CDYL2: variants seen among roughly 807,000 people sequenced by gnomAD.
The protein encoded by CDYL2 is chromodomain Y like 2, also known as chromodomain Y-like protein 2.
In CDYL2, 23 loss-of-function variants were observed where a neutral mutation model predicts 49.4. That is an observed-to-expected ratio of 0.47 (90% CI 0.34 to 0.66). The LOEUF is 0.66. Ranked by LOEUF, CDYL2 falls within the 30% of genes least tolerant of loss-of-function variation. The pLI, the probability that CDYL2 is intolerant of heterozygous loss-of-function variation, is 0.01. For synonymous variants in CDYL2, 360 were observed against 268.8 expected (o/e 1.34, Z -3.32); for missense variants, 678 against 656.4 (o/e 1.03, Z -0.36).
intron 1 of CDYL2, among the ~76,000 whole-genome samples, chr16:80,788,867 C>A (rs576711516): frequency 6.6e-6 from 1 of 152,204 alleles, no homozygotes; most frequent in South Asian, 2.1e-4. Context: ...GACTAATACC[C>A]AGAATCTACA....
intron 2 of CDYL2, among the ~76,000 whole-genome samples, chr16:80,644,010 G>C (rs1251329940): frequency 6.6e-6 from 1 of 152,190 alleles, no homozygotes; most frequent in Non-Finnish European, 1.5e-5. Context: ...ACATTGTCAG[G>C]CTACAAATTT....
chr16:80,677,701 T>C lies in CDYL2; in HGVS notation c.616+6837A>G, dbSNP rs1411580143. 2.0e-5 allele frequency among the ~76,000 whole-genome samples: 3 copies of C among 151,108 alleles called. No individual in the cohort carries two copies. The East Asian group carries it at 5.9e-4, about 30-fold the overall frequency. On this transcript the variant is annotated intron_variant, in intron 2 of 6. Transcript: ENST00000570137. ...TTGCAGTGAGCCAAGATTGCACCAC[T>C]GCACTCCAGCCTGGGCGACAGAGCG... is the stretch of plus-strand genomic sequence containing the variant.
intron 1 of CDYL2, among the ~76,000 whole-genome samples, chr16:80,753,785 A>G (rs1251886888): frequency 6.6e-6 from 1 of 152,246 alleles, no homozygotes; most frequent in Non-Finnish European, 1.5e-5. Flanking sequence ...CAGATAAACT[A>G]GACTCCATTA....
In CDYL2 at chr16:80,597,958, A is replaced by C. The variant is rs1427098996; in HGVS notation, c.*6430T>G. The C allele has an allele frequency of 1.3e-5, 2 of 152,234 alleles. No individual in the cohort carries two copies. The highest frequency in any genetic ancestry group is 4.8e-5 in the African/African-American group (2 of 41,466). The allele number at this position is 152,234 out of a possible 1,614,324, so 9.4% of individuals were successfully genotyped here. ...GCTTCTCACAATGTATAAATACTGC[A>C]TATTAGCACACATGAAAAATACAAC... On this transcript the variant is annotated 3_prime_UTR_variant, in exon 7 of 7. Coordinates refer to ENST00000570137, the MANE Select transcript of CDYL2 (RefSeq NM_152342.4).
At chr16:80,699,974 T>C (rs1304279886) in intron 1 of CDYL2, among the ~76,000 whole-genome samples, 1 of 151,332 alleles carries the variant, frequency 6.6e-6, no homozygotes, top group Non-Finnish European at 1.5e-5. Context: ...TTCACACCAC[T>C]CTCCTGCCTC....
chr16:80,646,831 A>C (rs1209743599), intron 2 of CDYL2, among the ~76,000 whole-genome samples: 2 of 151,908 alleles, frequency 1.3e-5, no homozygotes, highest in East Asian at 3.9e-4. Context: ...AAACAAAAAA[A>C]CAAGACCCAA....
At chr16:80,741,259 G>C (rs1300515645) in intron 1 of CDYL2, among the ~76,000 whole-genome samples, 4 of 151,044 alleles carry the variant, frequency 2.6e-5, no homozygotes, top group African/African-American at 9.7e-5. Context: ...GTGGGATTGG[G>C]ACAACTGGTT....
chr16:80,712,191 G>GTGTATATATATATATATATA lies in CDYL2; in HGVS notation c.25-27063_25-27062insTATATATATATATATATACA, dbSNP rs1555532109. On this transcript the variant is annotated intron_variant, in intron 1 of 6. Transcript: ENST00000570137. ...TATATGTGTCTTTGTGTCTGTGTGT[G>GTGTATATATATATATATATA]TATATATATATATATATATATATAT... Among the ~76,000 whole-genome samples the GTGTATATATATATATATATA allele has an allele frequency of 1.3e-4, 14 of 107,930 alleles. No homozygotes were observed. The East Asian group carries it at 2.2e-3, about 17-fold the overall frequency. 70.8% of individuals were successfully genotyped at this position (107,930 alleles called of 152,430 possible). A position where few individuals can be genotyped will look rare whatever the true frequency, so the allele number is the denominator to read the frequency against.
intron 1 of CDYL2, among the ~76,000 whole-genome samples, chr16:80,733,210 A>G (rs1398572858): frequency 6.6e-6 from 1 of 152,222 alleles, no homozygotes; most frequent in East Asian, 1.9e-4. Context: ...TCACAAAATC[A>G]GTGGTCAAAA....
intron 1 of CDYL2, among the ~76,000 whole-genome samples, chr16:80,712,619 T>C (rs957459931): frequency 6.6e-6 from 1 of 152,052 alleles, no homozygotes; most frequent in Admixed American, 6.6e-5. Flanking sequence ...GTGGACTCCA[T>C]AGGTCTCTGC....
chr16:80,773,049 C>T (rs1906960057), intron 1 of CDYL2, among the ~76,000 whole-genome samples: 1 of 151,820 alleles, frequency 6.6e-6, no homozygotes, highest in Non-Finnish European at 1.5e-5. Flanking sequence ...TAACTGTATG[C>T]CATTTACAAA....
intron 1 of CDYL2, among the ~76,000 whole-genome samples, chr16:80,707,566 T>G (rs1051797341): frequency 6.6e-6 from 1 of 152,180 alleles, no homozygotes; most frequent in African/African-American, 2.4e-5. Context: ...CTGTAAATGC[T>G]CCAGTTGGGA....
chr16:80,685,648 C>T (rs1484425533), intron 1 of CDYL2, among the ~76,000 whole-genome samples: 3 of 152,166 alleles, frequency 2.0e-5, no homozygotes, highest in Non-Finnish European at 2.9e-5. Flanking sequence ...AGACACTATA[C>T]TAAATGCTGG....
At chr16:80,628,679 G>T (rs1279363170) in intron 3 of CDYL2, among the ~76,000 whole-genome samples, 1 of 152,162 alleles carries the variant, frequency 6.6e-6, no homozygotes, top group Non-Finnish European at 1.5e-5. Context: ...TACAGTTATA[G>T]ATAACTAATA....
intron 1 of CDYL2, among the ~76,000 whole-genome samples, chr16:80,795,328 G>C (rs559793507): frequency 5.3e-5 from 8 of 152,322 alleles, no homozygotes; most frequent in African/African-American, 1.4e-4. Flanking sequence ...AATTCTGGGA[G>C]AGATGGAATG....
intron 2 of CDYL2, among the ~76,000 whole-genome samples, chr16:80,678,622 G>T (rs993117477): frequency 4.7e-5 from 7 of 147,704 alleles, no homozygotes; most frequent in Non-Finnish European, 7.5e-5. Flanking sequence ...ACAGGTGCTG[G>T]AGAGGATGTG....
intron 2 of CDYL2, among the ~76,000 whole-genome samples, chr16:80,667,650 A>T (rs573521060): frequency 6.6e-6 from 1 of 152,350 alleles, no homozygotes; most frequent in South Asian, 2.1e-4. Flanking sequence ...ATAGGAAAGG[A>T]TTCATATATG....
intron 4 of CDYL2, among the ~76,000 whole-genome samples, chr16:80,619,238 C>A (rs957861130): frequency 5.9e-5 from 9 of 152,240 alleles, no homozygotes; most frequent in Admixed American, 2.0e-4. Context: ...CACCTCAGGA[C>A]TCTGAACTTA....
chr16:80,657,844 A>G (rs900634672), intron 2 of CDYL2, among the ~76,000 whole-genome samples: 3 of 152,140 alleles, frequency 2.0e-5, no homozygotes, highest in Non-Finnish European at 4.4e-5. Context: ...AAATATATAT[A>G]TGCATAAAAT....
Sources: gnomAD v4.1 joint callset for allele counts (sites outside exome capture counted in the v4.1 genomes callset) on GRCh38, gnomAD v4.1.1 for gene constraint, MANE v1.5 for transcripts, NCBI Gene and HGNC (gene_info 2026-07-23, HGNC 2026-07-21) for gene names.